Variants in TICAM1 observed in about 807,000 individuals in gnomAD.
TICAM1 encodes the protein TIR domain-containing adapter molecule 1.
For synonymous variants in TICAM1, 439 were observed against 415.4 expected (o/e 1.06, Z -0.69); for missense variants, 895 against 938.2 (o/e 0.95, Z 0.60).
chr19:4,820,846 T>C (rs2093596146), intron 1 of TICAM1, among the ~76,000 whole-genome samples: 1 of 151,800 alleles, frequency 6.6e-6, no homozygotes, highest in Admixed American at 6.6e-5. Context: ...ATCGTGCCAC[T>C]GCACTCCAGC....
intron 1 of TICAM1, among the ~76,000 whole-genome samples, chr19:4,829,562 C>T (rs534663131): frequency 1.3e-5 from 2 of 152,084 alleles, no homozygotes; most frequent in Non-Finnish European, 2.9e-5. Flanking sequence ...TGCCACCTGC[C>T]GGCTTGTGTG....
chr19:4,817,610 C>T lies in TICAM1; in HGVS notation c.768G>A (p.Pro256=), dbSNP rs746548359. 18 of 1,597,994 alleles carry T rather than the reference C, an allele frequency of 1.1e-5. No individual in the cohort carries two copies. The highest frequency in any genetic ancestry group is 5.6e-5 in the South Asian group (5 of 88,842). ...GTGGGCTGGCAATCTCCCCCGATGG[C>T]GGCCAGCTCATCTCCTCAGGCTCCT... ...GCQEPEEMSW[P]PSGEIASPPE... Residue 256 remains proline, a synonymous_variant, in exon 2 of 2, where the codon CCG becomes CCA. Coordinates refer to ENST00000248244, the MANE Select transcript of TICAM1 (RefSeq NM_182919.4). This position sits in a 1 kb window ranked among gnomAD's most constrained non-coding sequence, Gnocchi z 4.7.
chr19:4,816,931 G>A lies in TICAM1; in HGVS notation c.1447C>T (p.Pro483Ser), dbSNP rs761898820. 5.0e-6 allele frequency: 8 copies of A among 1,613,946 alleles called. No individual in the cohort carries two copies. Among genetic ancestry groups the A allele is most frequent in the Non-Finnish European group, 6.8e-6 (8 of 1,180,036 alleles). Residue 483 changes from proline (P) to serine (S), a missense_variant, in exon 2 of 2, where the codon CCA (proline) becomes TCA (serine). Transcript: ENST00000248244. The surrounding 1 kb of genome is among the most constrained non-coding windows in gnomAD (Gnocchi z 4.3). ...GGCAGGAAGGGGATGACACAGTCTG[G>A]CGACCCCTGTCGCGTGAGGTTGCTC... ...MMSNLTRQGS[P>S]DCVIPFLPLE...
chr19:4,816,671 G>C lies in TICAM1; in HGVS notation c.1707C>G (p.Ala569=). The change falls in exon 2 of 2, where the codon GCC becomes GCG. Residue 569 remains alanine (A), a synonymous_variant. Coordinates refer to ENST00000248244, the MANE Select transcript of TICAM1 (RefSeq NM_182919.4). This position sits in a 1 kb window ranked among gnomAD's most constrained non-coding sequence, Gnocchi z 4.3. ...ERMQAAALNA[A]YSAYLQSYLS... Reference sequence around the variant, plus strand: ...AGTAGCTCTGGAGGTAGGCTGAGTAGGCTGCGTTCAGTGCCGCCGCCTGCA... The same window carrying C: ...AGTAGCTCTGGAGGTAGGCTGAGTACGCTGCGTTCAGTGCCGCCGCCTGCA... The C allele has an allele frequency of 6.2e-7, 1 of 1,614,150 alleles. No individual in the cohort carries two copies. The highest frequency in any genetic ancestry group is 8.5e-7 in the Non-Finnish European group (1 of 1,180,030).
chr19:4,817,476 G>A lies in TICAM1; in HGVS notation c.902C>T (p.Pro301Leu), dbSNP rs749133560. Residue 301 changes from proline to leucine, a missense_variant, in exon 2 of 2, where the codon CCA becomes CTA. By Grantham distance (98) the Pro-to-Leu change is moderately conservative. Transcript: ENST00000248244. The surrounding 1 kb of genome is among the most constrained non-coding windows in gnomAD (Gnocchi z 4.7). ...TGCAGACCCCTCGGTGCACTCCACT[G>A]GGTAGTTGGTGCTGGTTTCTGGAGC... The part of the protein sequence containing the change: ...PAAPETSTNY[P>L]VECTEGSAGP... 1 of 1,614,116 alleles carries A rather than the reference G, an allele frequency of 6.2e-7. No individual in the cohort carries two copies. The highest frequency in any genetic ancestry group is 1.7e-5 in the Admixed American group (1 of 59,994).
chr19:4,816,471 C>T lies in TICAM1; in HGVS notation c.1907G>A (p.Trp636Ter). The change falls in exon 2 of 2, where the codon TGG (tryptophan) becomes TAG (stop). Residue 636 changes from tryptophan to a stop codon, truncating the protein, a stop_gained. Coordinates refer to ENST00000248244, the MANE Select transcript of TICAM1 (RefSeq NM_182919.4). LOFTEE classifies it low-confidence loss of function (END_TRUNC). The surrounding 1 kb of genome is among the most constrained non-coding windows in gnomAD (Gnocchi z 4.3). ...GCPQPPPLHA[W>*]QAGTPPPPSP... is the part of the protein sequence containing the mutation. Reference sequence around the variant, plus strand: ...GGGCGGTGGGGGGGTGCCAGCCTGCCATGCGTGCAGGGGTGGCGGCTGCGG... The same window carrying T: ...GGGCGGTGGGGGGGTGCCAGCCTGCTATGCGTGCAGGGGTGGCGGCTGCGG... 1 of 1,557,618 alleles carries T rather than the reference C, an allele frequency of 6.4e-7. No homozygotes were observed. The highest frequency in any genetic ancestry group is 8.7e-7 in the Non-Finnish European group (1 of 1,153,650).
chr19:4,828,303 T>C (rs1444266569), intron 1 of TICAM1, among the ~76,000 whole-genome samples: 7 of 148,224 alleles, frequency 4.7e-5, no homozygotes, highest in Non-Finnish European at 7.5e-5. Context: ...GGTGTGATCA[T>C]AGCTCACTGC....
intron 1 of TICAM1, among the ~76,000 whole-genome samples, chr19:4,831,161 T>C (rs996428165): frequency 2.7e-5 from 4 of 148,116 alleles, no homozygotes; most frequent in Admixed American, 6.8e-5. Context: ...ACGGAGGAAT[T>C]TGGGGTATCA....
chr19:4,819,610 C>T (rs1043396474), intron 1 of TICAM1, among the ~76,000 whole-genome samples: 5 of 152,212 alleles, frequency 3.3e-5, no homozygotes, highest in African/African-American at 1.2e-4. Context: ...CGGTGGCTCA[C>T]ACCTGTAATC....
intron 1 of TICAM1, among the ~76,000 whole-genome samples, 180 bp downstream of exon 1, chr19:4,831,434 G>A (rs929320928): frequency 6.6e-6 from 1 of 151,972 alleles, no homozygotes; most frequent in Non-Finnish European, 1.5e-5. Flanking sequence ...CGGGGAGCTG[G>A]AGGTTGAGGG....
chr19:4,820,300 A>G (rs929162135), intron 1 of TICAM1, among the ~76,000 whole-genome samples: 1 of 150,704 alleles, frequency 6.6e-6, no homozygotes, highest in African/African-American at 2.4e-5. Context: ...GGCGCCTGTA[A>G]TCCCAGCTAC....
Position 4,816,300 on chromosome 19 carries a change from T to C in TICAM1, c.2078A>G (p.Asn693Ser). ...GGACCCTCTCTGGTTCCACATGTGG[T>C]TGTTCAGCCCCAGCTGTACCATCTG... ...HAQMVQLGLN[N>S]HMWNQRGSQA... is the part of the protein sequence containing the mutation. Residue 693 changes from asparagine (N) to serine (S), a missense_variant, in exon 2 of 2, where the codon AAC (asparagine) becomes AGC (serine). Physicochemically the swap from Asn to Ser is conservative, Grantham distance 46. Coordinates refer to ENST00000248244, the MANE Select transcript of TICAM1 (RefSeq NM_182919.4). The surrounding 1 kb of genome is among the most constrained non-coding windows in gnomAD (Gnocchi z 4.3). 1 of 1,524,198 alleles carries C rather than the reference T, an allele frequency of 6.6e-7. No homozygotes were observed. The allele number at this position is 1,524,198 out of a possible 1,614,324, so 94.4% of individuals were successfully genotyped here.
chr19:4,819,875 C>CAATA (rs57106018), intron 1 of TICAM1, among the ~76,000 whole-genome samples: 36,246 of 151,170 alleles, frequency 0.24, 4,780 homozygotes, highest in East Asian at 0.41. Flanking sequence ...AACCCCGTCT[C>CAATA]AATAAATAAA....
Position 4,820,308 on chromosome 19 carries a change from T to A in TICAM1, c.-139-1792A>T, listed in dbSNP as rs189638931. Among the ~76,000 whole-genome samples the A allele has an allele frequency of 2.6e-4, 40 of 150,970 alleles. No individual in the cohort carries two copies. In the East Asian group the frequency reaches 7.9e-3, roughly 30 times the overall value. On this transcript the variant is annotated intron_variant, in intron 1 of 1. Coordinates refer to ENST00000248244, the MANE Select transcript of TICAM1 (RefSeq NM_182919.4). ...GGTGGCAGGCGCCTGTAATCCCAGC[T>A]ACTCGGGAGGCTGAGGTAGGAAAAT...
chr19:4,828,125 T>C (rs545325312), intron 1 of TICAM1, among the ~76,000 whole-genome samples: 1 of 108,142 alleles, frequency 9.2e-6, no homozygotes, highest in South Asian at 3.5e-4. Context: ...GTTTTTTTTA[T>C]TTTTTTTGAG....
chr19:4,825,402 C>T (rs1056771572), intron 1 of TICAM1, among the ~76,000 whole-genome samples: 2 of 152,050 alleles, frequency 1.3e-5, no homozygotes, highest in South Asian at 2.1e-4. Context: ...GATATGTACC[C>T]GTTAATTTTT....
intron 1 of TICAM1, among the ~76,000 whole-genome samples, chr19:4,822,619 A>G (rs2093599581): frequency 6.6e-6 from 1 of 152,158 alleles, no homozygotes; most frequent in African/African-American, 2.4e-5. Flanking sequence ...CTGCTTTCCC[A>G]CTAGAGTGAT....
chr19:4,821,007 C>T (rs1228770485), intron 1 of TICAM1, among the ~76,000 whole-genome samples: 1 of 143,138 alleles, frequency 7.0e-6, no homozygotes, highest in Non-Finnish European at 1.5e-5. Flanking sequence ...GCCTGGTCAA[C>T]ACGGTGAAAC....
At chr19:4,822,840 C>G (rs1335339038) in intron 1 of TICAM1, among the ~76,000 whole-genome samples, 1 of 152,150 alleles carries the variant, frequency 6.6e-6, no homozygotes, top group African/African-American at 2.4e-5. Context: ...AACTGTAACA[C>G]CAAATGCCTT....
Sources: gnomAD v4.1 joint callset for allele counts (sites outside exome capture counted in the v4.1 genomes callset) on GRCh38, gnomAD v4.1.1 for gene constraint, Gnocchi (gnomAD v3.1) non-coding constraint, MANE v1.5 for transcripts, NCBI Gene and HGNC (gene_info 2026-07-23, HGNC 2026-07-21) for gene names.